The following NRG3 variants were observed in gnomAD, a reference collection of about 807,000 sequenced individuals.
The protein encoded by NRG3 is pro-neuregulin-3, membrane-bound isoform.
A neutral mutation model predicts 66.9 loss-of-function variants in NRG3; 31 were observed. That is an observed-to-expected ratio of 0.46 (90% CI 0.35 to 0.63). NRG3 has a LOEUF of 0.63. Among genes scored for constraint, NRG3 ranks in the 20% least tolerant of loss-of-function variants. The pLI is 0.00. For missense variants in NRG3, 910 were observed against 878.9 expected (o/e 1.04, Z -0.45); for synonymous variants, 393 against 359.4 (o/e 1.09, Z -1.06).
intron 1 of NRG3, among the ~76,000 whole-genome samples, chr10:82,098,234 T>G: frequency 6.6e-6 from 1 of 151,756 alleles, no homozygotes; most frequent in South Asian, 2.1e-4. Context: ...CACAGACATA[T>G]AGATGTCATC....
At chr10:82,901,093 T>C (rs1012856002) in intron 4 of NRG3, among the ~76,000 whole-genome samples, 2 of 152,222 alleles carry the variant, frequency 1.3e-5, no homozygotes. Context: ...CAGCATGTGT[T>C]ATAATGTCCG....
chr10:82,771,163 A>T (rs201969323), intron 3 of NRG3, among the ~76,000 whole-genome samples: 2 of 152,162 alleles, frequency 1.3e-5, no homozygotes, highest in East Asian at 3.9e-4. Context: ...TAAATTTGTT[A>T]TACTTTTATC....
intron 2 of NRG3, among the ~76,000 whole-genome samples, chr10:82,718,981 A>C (rs2057137128): frequency 6.6e-6 from 1 of 152,238 alleles, no homozygotes; most frequent in Non-Finnish European, 1.5e-5. Flanking sequence ...CAAGGCACAG[A>C]ATGAAAAAAC....
intron 2 of NRG3, among the ~76,000 whole-genome samples, chr10:82,681,699 C>T (rs1391349166): frequency 1.3e-5 from 2 of 152,180 alleles, no homozygotes; most frequent in African/African-American, 4.8e-5. Flanking sequence ...ATGGTATGTT[C>T]AGAAGTGAAC....
At chr10:82,229,334 C>T (rs1161794470) in intron 1 of NRG3, among the ~76,000 whole-genome samples, 1 of 152,050 alleles carries the variant, frequency 6.6e-6, no homozygotes, top group Non-Finnish European at 1.5e-5. Context: ...CTAAATTAAG[C>T]AATAGACATT....
intron 1 of NRG3, among the ~76,000 whole-genome samples, chr10:82,087,518 C>G (rs2065795145): frequency 6.6e-6 from 1 of 152,080 alleles, no homozygotes; most frequent in South Asian, 2.1e-4. Flanking sequence ...TACAGTCCAC[C>G]CAACAGTACA....
intron 4 of NRG3, among the ~76,000 whole-genome samples, chr10:82,948,676 T>C (rs1188816650): frequency 1.3e-5 from 2 of 152,154 alleles, no homozygotes; most frequent in African/African-American, 2.4e-5. Context: ...TTTGATGCTA[T>C]TGTAAATGAC....
intron 2 of NRG3, among the ~76,000 whole-genome samples, chr10:82,675,347 G>T (rs2053607496): frequency 6.6e-6 from 1 of 152,108 alleles, no homozygotes; most frequent in Non-Finnish European, 1.5e-5. Context: ...GAAGTCATAG[G>T]GTTATGGGAA....
intron 2 of NRG3, among the ~76,000 whole-genome samples, chr10:82,378,985 G>T (rs528947421): frequency 6.6e-6 from 1 of 152,226 alleles, no homozygotes; most frequent in Admixed American, 6.5e-5. Flanking sequence ...AGTAGTATTC[G>T]TGGATGGAGA....
intron 1 of NRG3, among the ~76,000 whole-genome samples, chr10:82,253,701 T>C (rs1255439999): frequency 5.3e-5 from 8 of 152,222 alleles, no homozygotes; most frequent in Admixed American, 3.3e-4. Flanking sequence ...GTTTAGATCC[T>C]ACATTTTATC....
chr10:82,232,602 T>G, intron 1 of NRG3: 1 of 599,390 alleles, frequency 1.7e-6, no homozygotes, highest in Non-Finnish European at 3.1e-6. Context: ...TTTCATTGTT[T>G]TTCTCTTTTG....
At chr10:82,374,653 G>A (rs2085096722) in intron 2 of NRG3, among the ~76,000 whole-genome samples, 1 of 152,126 alleles carries the variant, frequency 6.6e-6, no homozygotes, top group South Asian at 2.1e-4. Context: ...GGGGTTCTAT[G>A]TTTCCAACAA....
chr10:82,951,411 G>T (rs1228429375), intron 4 of NRG3, 58 bp from the exon 5 acceptor site: 3 of 1,329,760 alleles, frequency 2.3e-6, no homozygotes, highest in African/African-American at 1.4e-5. Context: ...CATGGATGAA[G>T]ATAGTTGCTG....
intron 1 of NRG3, among the ~76,000 whole-genome samples, chr10:82,019,717 A>T (rs914079024): frequency 3.0e-4 from 45 of 151,944 alleles, no homozygotes; most frequent in Non-Finnish European, 4.4e-4. Context: ...TTTCTAGTTT[A>T]TTTGCGTAGA....
chr10:82,710,006 C>T (rs1449652649), intron 2 of NRG3, among the ~76,000 whole-genome samples: 3 of 152,162 alleles, frequency 2.0e-5, no homozygotes, highest in Admixed American at 2.0e-4. Flanking sequence ...ATAGTCCATT[C>T]ACTTTTATTG....
At chr10:82,807,752 C>G (rs2061346620) in intron 3 of NRG3, among the ~76,000 whole-genome samples, 1 of 152,158 alleles carries the variant, frequency 6.6e-6, no homozygotes, top group African/African-American at 2.4e-5. Flanking sequence ...CATCATGCCT[C>G]CAAAGCAAGC....
chr10:82,374,840 G>C (rs1225592326), intron 2 of NRG3, among the ~76,000 whole-genome samples: 1 of 152,144 alleles, frequency 6.6e-6, no homozygotes, highest in Non-Finnish European at 1.5e-5. Context: ...GCCAGAGCAA[G>C]CTTTCCTGCA....
chr10:82,082,953 T>G (rs977405951), intron 1 of NRG3, among the ~76,000 whole-genome samples: 2 of 152,152 alleles, frequency 1.3e-5, no homozygotes. Flanking sequence ...CATTCTTTTT[T>G]TTTTTCAGAC....
At chr10:81,882,771 A>G (rs1013553708) in intron 1 of NRG3, among the ~76,000 whole-genome samples, 6 of 152,114 alleles carry the variant, frequency 3.9e-5, no homozygotes, top group African/African-American at 1.2e-4. Context: ...ATGAAAGATT[A>G]TTGTTCTTAT....
Sources: allele counts gnomAD v4.1 joint callset (sites outside exome capture counted in the v4.1 genomes callset), GRCh38; gene constraint gnomAD v4.1.1; transcripts MANE v1.5; gene names NCBI Gene and HGNC (gene_info 2026-07-23, HGNC 2026-07-21).